ADCY10: variants seen among roughly 807,000 people sequenced by gnomAD.
The protein encoded by ADCY10 is adenylate cyclase type 10.
Under a neutral mutation model 183.3 loss-of-function variants are expected in ADCY10, and 156 were observed. The ratio of observed to expected loss-of-function variants is 0.85; its 90% CI spans 0.75 to 0.97. The LOEUF is 0.97. Among genes scored for constraint, ADCY10 ranks in the 50% least tolerant of loss-of-function variants. The pLI, the probability that ADCY10 is intolerant of heterozygous loss-of-function variation, is 0.00. For synonymous variants in ADCY10, 645 were observed against 670.0 expected (o/e 0.96, Z 0.58); for missense variants, 1,745 against 1,934.3 (o/e 0.90, Z 1.84).
chr1:167,892,086 C>G (rs1450922493), intron 8 of ADCY10, among the ~76,000 whole-genome samples: 1 of 151,816 alleles, frequency 6.6e-6, no homozygotes, highest in Non-Finnish European at 1.5e-5. Flanking sequence ...GATCCTCTCA[C>G]CTCAGCCTCC....
At position 167,834,061 on chromosome 1, in the gene ADCY10, T is replaced by C. The variant is rs761897539; in HGVS notation, c.3326A>G (p.Asn1109Ser). ...AGTTTTTAGCAACTTCTGTCCTTCA[T>C]TCAAATACATGTATGCCTGTAACCA... ...CDNYMAYMYL[N>S]EGQKLLKTLK... The change falls in exon 24 of 33, where the codon AAT becomes AGT. Residue 1109 changes from asparagine (N) to serine (S), a missense_variant. Coordinates refer to ENST00000367851, the MANE Select transcript of ADCY10 (RefSeq NM_018417.6). 1.9e-6 allele frequency: 3 copies of C among 1,613,940 alleles called. No individual in the cohort carries two copies. The East Asian group carries it at 6.7e-5, about 36-fold the overall frequency.
chr1:167,846,577 T>C (rs1665045495), intron 19 of ADCY10, among the ~76,000 whole-genome samples: 1 of 152,180 alleles, frequency 6.6e-6, no homozygotes, highest in Non-Finnish European at 1.5e-5. Context: ...GGAGAGGACA[T>C]TGTAATCACT....
At chr1:167,867,649 T>C (rs989599132) in intron 14 of ADCY10, among the ~76,000 whole-genome samples, 3 of 152,182 alleles carry the variant, frequency 2.0e-5, no homozygotes, top group African/African-American at 7.2e-5. Context: ...GGTCCTTTTC[T>C]AGGTGACACA....
At chr1:167,848,793 C>T (rs750525317) in intron 18 of ADCY10, among the ~76,000 whole-genome samples, 20 of 151,958 alleles carry the variant, frequency 1.3e-4, no homozygotes, top group African/African-American at 3.4e-4. Flanking sequence ...GGATTACAGC[C>T]GCCCACTACC....
Position 167,856,207 on chromosome 1 carries a change from C to T in ADCY10, c.2129G>A (p.Cys710Tyr). 3 of 1,613,898 alleles carry T rather than the reference C, an allele frequency of 1.9e-6. No homozygotes were observed. The highest frequency in any genetic ancestry group is 2.5e-6 in the Non-Finnish European group (3 of 1,179,844). Residue 710 changes from cysteine (C) to tyrosine (Y), a missense_variant, in exon 17 of 33, where the codon TGT becomes TAT. Coordinates refer to ENST00000367851, the MANE Select transcript of ADCY10 (RefSeq NM_018417.6). The stretch of plus-strand genomic sequence containing the variant: ...GATGCAGCTCACATTGAGGTCAAGA[C>T]AGATCTTGTTGGAGATGTCGTTAGG... ...VQPNDISNKI[C>Y]LDLNVSCISK...
intron 7 of ADCY10, among the ~76,000 whole-genome samples, chr1:167,896,145 T>A (rs925605138): frequency 6.6e-6 from 1 of 152,116 alleles, no homozygotes; most frequent in Non-Finnish European, 1.5e-5. Flanking sequence ...AGAAGCTAGG[T>A]GTCAGCGGTG....
chr1:167,861,656 A>G (rs771843703), intron 14 of ADCY10, among the ~76,000 whole-genome samples: 1 of 152,156 alleles, frequency 6.6e-6, no homozygotes, highest in Non-Finnish European at 1.5e-5. Flanking sequence ...GGTTGACTAC[A>G]TACCCTTTCT....
chr1:167,902,111 A>C lies in ADCY10; in HGVS notation c.254-57T>G, dbSNP rs1669475005. 6 of 1,513,666 alleles carry C rather than the reference A, an allele frequency of 4.0e-6. No individual in the cohort carries two copies. In the Admixed American group the frequency reaches 8.5e-5, roughly 21 times the overall value. 93.8% of individuals were successfully genotyped at this position (1,513,666 alleles called of 1,614,324 possible). ...CTGATTCCTTAAAGGTAGTAAAAAA[A>C]CATCATTCTTTCTTAGTGGAATAGA... On this transcript the variant is annotated intron_variant, in intron 3 of 32. Coordinates refer to ENST00000367851, the MANE Select transcript of ADCY10 (RefSeq NM_018417.6).
chr1:167,863,371 G>A (rs998749959), intron 14 of ADCY10, among the ~76,000 whole-genome samples: 15 of 152,070 alleles, frequency 9.9e-5, no homozygotes, highest in African/African-American at 3.1e-4. Context: ...CCCCTGTCAC[G>A]TACCCCCTGG....
At chr1:167,819,317 C>A (rs1662730782) in intron 30 of ADCY10, among the ~76,000 whole-genome samples, 1 of 145,682 alleles carries the variant, frequency 6.9e-6, no homozygotes, top group South Asian at 2.2e-4. Context: ...ATGGCACGAT[C>A]TCAGCCCACT....
intron 8 of ADCY10, among the ~76,000 whole-genome samples, chr1:167,887,028 T>C (rs1221234351): frequency 6.6e-6 from 1 of 152,076 alleles, no homozygotes; most frequent in East Asian, 1.9e-4. Flanking sequence ...ATGGCAATCA[T>C]TAAAAAGTCA....
At chr1:167,832,755 T>A (rs1218809051) in intron 25 of ADCY10, among the ~76,000 whole-genome samples, 3 of 152,186 alleles carry the variant, frequency 2.0e-5, no homozygotes, top group Non-Finnish European at 4.4e-5. Context: ...CGAGGTCCCT[T>A]ATGTTTGAGT....
intron 15 of ADCY10, 80 bp downstream of exon 15, chr1:167,860,791 G>A (rs2102048174): frequency 8.3e-7 from 1 of 1,207,728 alleles, no homozygotes; most frequent in East Asian, 2.3e-5. Flanking sequence ...CCAAAGAGAT[G>A]CTAAGTCACA....
At chr1:167,888,624 C>T (rs1668386187) in intron 8 of ADCY10, among the ~76,000 whole-genome samples, 1 of 151,984 alleles carries the variant, frequency 6.6e-6, no homozygotes, top group South Asian at 2.1e-4. Context: ...CGCCTGTAAT[C>T]CCAGCACTTT....
intron 21 of ADCY10, among the ~76,000 whole-genome samples, chr1:167,840,640 G>A (rs1431862751): frequency 1.3e-5 from 2 of 152,030 alleles, no homozygotes; most frequent in African/African-American, 2.4e-5. Context: ...ACAGGCATGA[G>A]CAACCGTGCC....
rs755051736 is a variant in ADCY10, at chr1:167,902,066, A to AG, written c.254-13_254-12insC. ...AAAAATCAACACTTCTGAGAAAAAA[A>AG]AAAAAAATTAAATCAAACCCTGATT... is the stretch of plus-strand genomic sequence containing the variant. On this transcript the variant is annotated splice_polypyrimidine_tract_variant and intron_variant, in intron 3 of 32. Transcript: ENST00000367851. 1.2e-5 allele frequency: 20 copies of AG among 1,612,938 alleles called. No homozygotes were observed. In the South Asian group the frequency reaches 2.2e-4, roughly 18 times the overall value.
chr1:167,848,892 G>A (rs1001471376), intron 18 of ADCY10, among the ~76,000 whole-genome samples: 2 of 151,892 alleles, frequency 1.3e-5, no homozygotes, highest in Admixed American at 6.6e-5. Flanking sequence ...TGCCTGCCTC[G>A]GCCTCCCAAA....
At chr1:167,875,891 T>C (rs1235640742) in intron 12 of ADCY10, among the ~76,000 whole-genome samples, 5 of 151,762 alleles carry the variant, frequency 3.3e-5, no homozygotes, top group Non-Finnish European at 7.4e-5. Flanking sequence ...AGGGGGAGCT[T>C]GCAGTGAGCC....
chr1:167,845,762 T>C lies in ADCY10; in HGVS notation c.2808A>G (p.Thr936=). Residue 936 remains threonine (T), a synonymous_variant, in exon 21 of 33, where the codon ACA becomes ACG. Transcript: ENST00000367851. ...GGTCCTTGAGCCACAGCTCGTAGGC[T>C]GTTTTCTGCATCATAGGGTTACAGA... ...IRFCNPMMQK[T]AYELWLKDQR... The C allele has an allele frequency of 1.2e-6, 2 of 1,614,234 alleles. No homozygotes were observed. Among genetic ancestry groups the C allele is most frequent in the Non-Finnish European group, 8.5e-7 (1 of 1,180,048 alleles).
Sources: allele counts gnomAD v4.1 joint callset (sites outside exome capture counted in the v4.1 genomes callset), GRCh38; gene constraint gnomAD v4.1.1; transcripts MANE v1.5; gene names NCBI Gene and HGNC (gene_info 2026-07-23, HGNC 2026-07-21).